Variants in IPP observed in about 807,000 individuals in gnomAD.
IPP encodes the protein intracisternal A particle-promoted polypeptide.
IPP carries 41 observed loss-of-function variants against 64.1 expected under a neutral mutation model. The observed-to-expected ratio is 0.64, with a 90% confidence interval of 0.50 to 0.83. The LOEUF (loss-of-function observed/expected upper bound fraction) is 0.83. IPP is among the 40% of genes least tolerant of loss of function. The pLI is 0.00. For synonymous variants in IPP, 214 were observed against 235.2 expected, an observed-to-expected ratio of 0.91 and a Z score of 0.83; for missense variants, 649 against 703.0, an observed-to-expected ratio of 0.92 and a Z score of 0.87.
chr1:45,736,160 T>C (rs750575638), intron 3 of IPP, among the ~76,000 whole-genome samples: 1 of 151,922 alleles, frequency 6.6e-6, no homozygotes, highest in Admixed American at 6.6e-5. Flanking sequence ...CTCACTATGT[T>C]CAGCCCAGGC....
chr1:45,745,733 G>A (rs970382360), intron 2 of IPP, among the ~76,000 whole-genome samples: 1 of 151,752 alleles, frequency 6.6e-6, no homozygotes, highest in African/African-American at 2.4e-5. Flanking sequence ...AGGTGTGGTG[G>A]CATGCGCCTG....
rs991821308 is a variant in IPP at position 45,749,525 on chromosome 1, G to T, written c.-51+1072C>A. Among the ~76,000 whole-genome samples, 147 of 107,008 alleles carry T rather than the reference G, an allele frequency of 1.4e-3. No homozygotes were observed. In the East Asian group the frequency reaches 0.018, roughly 13 times the overall value. The allele number at this position is 107,008 out of a possible 152,430, so 70.2% of individuals were successfully genotyped here. ...TTTTTTTGTTTTGTTTTTGTTTTTT[G>T]TTTTTTTTTTTTTGAGACGGAGTCT... On this transcript the variant is annotated intron_variant, in intron 1 of 8. Coordinates refer to ENST00000396478, the MANE Select transcript of IPP (RefSeq NM_005897.3).
intron 6 of IPP, among the ~76,000 whole-genome samples, chr1:45,718,945 G>C (rs1380560815): frequency 6.6e-6 from 1 of 150,972 alleles, no homozygotes; most frequent in Non-Finnish European, 1.5e-5. Flanking sequence ...GTATTTGATA[G>C]TGCAACAGGG....
chr1:45,699,451 G>T lies in IPP; in HGVS notation c.*515C>A, dbSNP rs1046239903. ...TTACAATTTATACTGCACTGGAGAAGTAGCTAAAGGGACTATTTGCCAGGA... is the reference window on the plus strand; with the variant it reads ...TTACAATTTATACTGCACTGGAGAATTAGCTAAAGGGACTATTTGCCAGGA... On this transcript the variant is annotated 3_prime_UTR_variant, in exon 9 of 9. Transcript: ENST00000396478. 11 of 987,808 alleles carry T rather than the reference G, an allele frequency of 1.1e-5. No individual in the cohort carries two copies. The South Asian group carries it at 3.7e-4, about 33-fold the overall frequency. 61.2% of individuals were successfully genotyped at this position (987,808 alleles called of 1,614,324 possible).
chr1:45,698,771 T>G lies in IPP; in HGVS notation c.*1195A>C. The G allele has an allele frequency of 1.6e-6, 1 of 633,420 alleles. No individual in the cohort carries two copies. Among genetic ancestry groups the G allele is most frequent in the Non-Finnish European group, 2.0e-6 (1 of 511,504 alleles). The allele number at this position is 633,420 out of a possible 1,614,324, so 39.2% of individuals were successfully genotyped here. A position where few individuals can be genotyped will look rare whatever the true frequency, so the allele number is the denominator to read the frequency against. ...TCTCATGCTGTCACCCAGGCCGGTG[T>G]GCAGTGGCACAATCTTGGCTCACTG... On this transcript the variant is annotated 3_prime_UTR_variant, in exon 9 of 9. Transcript: ENST00000396478.
At chr1:45,749,487 A>AT (rs1322836323) in intron 1 of IPP, among the ~76,000 whole-genome samples, 1 of 137,360 alleles carries the variant, frequency 7.3e-6, no homozygotes, top group Non-Finnish European at 1.6e-5. Flanking sequence ...GGATCGCTTG[A>AT]TTTTTTGTTT....
At chr1:45,711,272 C>T (rs1282018101) in intron 8 of IPP, among the ~76,000 whole-genome samples, 1 of 151,600 alleles carries the variant, frequency 6.6e-6, no homozygotes, top group Non-Finnish European at 1.5e-5. Context: ...ACCTGGGAGG[C>T]GGAGGTTGTA....
chr1:45,746,677 G>A (rs1646138606), intron 1 of IPP, among the ~76,000 whole-genome samples: 1 of 152,130 alleles, frequency 6.6e-6, no homozygotes. Context: ...CAAGAAATGG[G>A]ACCTGCACTA....
intron 4 of IPP, 115 bp from the exon 5 acceptor site, chr1:45,727,913 A>G: frequency 1.5e-6 from 1 of 679,534 alleles, no homozygotes; most frequent in Non-Finnish European, 2.1e-6. Flanking sequence ...CTCTATATAC[A>G]TATAATGTAA....
At chr1:45,738,840 A>AAAAACAAAAAAAAC (rs1367086541) in intron 3 of IPP, among the ~76,000 whole-genome samples, 3 of 127,756 alleles carry the variant, frequency 2.3e-5, no homozygotes, top group Admixed American at 7.7e-5. Flanking sequence ...ACTCCATCTC[A>AAAAACAAAAAAAAC]AAAAAAAAAA....
chr1:45,698,982 C>T lies in IPP; in HGVS notation c.*984G>A, dbSNP rs370719019. Reference sequence around the variant, plus strand: ...AGCCATCTTCCCGTCTCACCTCGGCCTCTCAAAGTGCTGGGATTACAGGTG... The same window carrying T: ...AGCCATCTTCCCGTCTCACCTCGGCTTCTCAAAGTGCTGGGATTACAGGTG... On this transcript the variant is annotated 3_prime_UTR_variant, in exon 9 of 9. Transcript: ENST00000396478. The T allele has an allele frequency of 2.2e-6, 2 of 926,702 alleles. No homozygotes were observed. 57.4% of individuals were successfully genotyped at this position (926,702 alleles called of 1,614,324 possible).
intron 2 of IPP, 133 bp from the exon 3 acceptor site, chr1:45,741,465 C>A (rs1646064940): frequency 3.2e-6 from 2 of 626,276 alleles, no homozygotes; most frequent in Non-Finnish European, 5.4e-6. Flanking sequence ...AAAAGGCAAT[C>A]AAGGATTTGA....
intron 4 of IPP, among the ~76,000 whole-genome samples, chr1:45,728,777 A>G (rs1036672548): frequency 6.6e-6 from 1 of 152,070 alleles, no homozygotes; most frequent in Non-Finnish European, 1.5e-5. Flanking sequence ...ATTACAGGCC[A>G]TGAGCCACCA....
chr1:45,698,625 A>T, downstream of IPP: 1 of 942,630 alleles, frequency 1.1e-6, no homozygotes, highest in Non-Finnish European at 1.3e-6. Flanking sequence ...AAATTTTACA[A>T]AGCTTGATAA....
chr1:45,734,404 G>A (rs1645948927), intron 3 of IPP, among the ~76,000 whole-genome samples: 1 of 151,562 alleles, frequency 6.6e-6, no homozygotes, highest in South Asian at 2.1e-4. Flanking sequence ...TAAATAATAT[G>A]TATAAAATTA....
At chr1:45,735,963 T>G (rs1409392114) in intron 3 of IPP, among the ~76,000 whole-genome samples, 1 of 151,470 alleles carries the variant, frequency 6.6e-6, no homozygotes, top group Non-Finnish European at 1.5e-5. Flanking sequence ...TACAAAAAAT[T>G]ATCCGGGCGT....
At chr1:45,744,435 GTGCAGCAGCTTGATCATAGCTCAC>G (rs1268652289) in intron 2 of IPP, among the ~76,000 whole-genome samples, 8 of 151,814 alleles carry the variant, frequency 5.3e-5, no homozygotes, top group African/African-American at 1.9e-4. Context: ...CCAGTCCAGG[GTGCAGCAGCTTGATCATAGCTCAC>G]TGCAGCCTCA....
chr1:45,711,409 G>T (rs1242668884), intron 8 of IPP, among the ~76,000 whole-genome samples: 2 of 151,990 alleles, frequency 1.3e-5, no homozygotes, highest in African/African-American at 2.4e-5. Flanking sequence ...TAAAGACACA[G>T]AAGTAGAAGG....
intron 2 of IPP, among the ~76,000 whole-genome samples, chr1:45,741,623 C>CTTTTTTTTTTTTTTT (rs57797396): frequency 1.0e-5 from 1 of 96,128 alleles, no homozygotes; most frequent in Non-Finnish European, 2.1e-5. Context: ...TTCTTATTTT[C>CTTTTTTTTTTTTTTT]TTTTTTTTTT....
Sources: allele counts gnomAD v4.1 joint callset (sites outside exome capture counted in the v4.1 genomes callset), GRCh38; gene constraint gnomAD v4.1.1; transcripts MANE v1.5; gene names NCBI Gene and HGNC (gene_info 2026-07-23, HGNC 2026-07-21).